Variants in UBAC2 observed in about 807,000 individuals in gnomAD.
The protein encoded by UBAC2 is UBA domain containing 2.
UBAC2 carries 26 observed loss-of-function variants against 44.0 expected under a neutral mutation model. The observed-to-expected ratio is 0.59, with a 90% CI of 0.43 to 0.82. The LOEUF (loss-of-function observed/expected upper bound fraction) is 0.82. Ranked by LOEUF, UBAC2 falls within the 40% of genes least tolerant of loss-of-function variation. The pLI is 0.00. For missense variants in UBAC2, 329 were observed against 419.4 expected (o/e 0.78, Z 1.88); for synonymous variants, 155 against 154.3 (o/e 1.00, Z -0.04).
intron 4 of UBAC2, among the ~76,000 whole-genome samples, chr13:99,275,829 G>T (rs988927827): frequency 6.6e-6 from 1 of 152,146 alleles, no homozygotes; most frequent in Non-Finnish European, 1.5e-5. Context: ...GGTCCTCGAT[G>T]ACCATGGGCT....
intron 7 of UBAC2, among the ~76,000 whole-genome samples, chr13:99,357,216 A>G (rs2045199389): frequency 6.6e-6 from 1 of 152,204 alleles, no homozygotes; most frequent in Non-Finnish European, 1.5e-5. Context: ...TGGTCGCCAT[A>G]GGCTACACCA....
At chr13:99,302,613 C>G (rs2044272052) in intron 4 of UBAC2, among the ~76,000 whole-genome samples, 1 of 152,142 alleles carries the variant, frequency 6.6e-6, no homozygotes, top group Admixed American at 6.5e-5. Flanking sequence ...TTCTCATCAC[C>G]TTTTTCATTG....
At chr13:99,371,592 A>T (rs2045407444) in intron 8 of UBAC2, among the ~76,000 whole-genome samples, 1 of 152,224 alleles carries the variant, frequency 6.6e-6, no homozygotes, top group Admixed American at 6.5e-5. Flanking sequence ...ATATTTGTTA[A>T]TAACATGTTA....
intron 4 of UBAC2, among the ~76,000 whole-genome samples, chr13:99,266,261 C>T (rs569502215): frequency 6.6e-6 from 1 of 151,484 alleles, no homozygotes; most frequent in East Asian, 1.9e-4. Context: ...GAATGTATTC[C>T]TCTAAAACAA....
chr13:99,293,064 A>G (rs976524563), intron 4 of UBAC2, among the ~76,000 whole-genome samples: 7 of 152,070 alleles, frequency 4.6e-5, no homozygotes, highest in African/African-American at 1.4e-4. Context: ...CTTTAAGGGG[A>G]GTTATTGGCT....
chr13:99,371,367 C>G (rs1441401449), intron 8 of UBAC2, among the ~76,000 whole-genome samples: 2 of 152,072 alleles, frequency 1.3e-5, no homozygotes, highest in African/African-American at 4.8e-5. Flanking sequence ...CTTGATTATC[C>G]TGCAAATAGC....
chr13:99,338,416 G>A (rs1269055741), intron 6 of UBAC2, among the ~76,000 whole-genome samples: 1 of 152,126 alleles, frequency 6.6e-6, no homozygotes, highest in Non-Finnish European at 1.5e-5. Context: ...AGCTGTCCTG[G>A]GCCACATGTG....
intron 8 of UBAC2, among the ~76,000 whole-genome samples, chr13:99,380,421 T>G (rs1008341013): frequency 6.6e-6 from 1 of 152,156 alleles, no homozygotes; most frequent in African/African-American, 2.4e-5. Flanking sequence ...CAGCAGTAAT[T>G]GTTAGTGTCC....
At chr13:99,201,552 T>G (rs571685624) in intron 1 of UBAC2, 1 of 1,614,120 alleles carries the variant, frequency 6.2e-7, no homozygotes, top group African/African-American at 1.3e-5. Context: ...CCTGGCGTGT[T>G]AGCGGTGGTC....
chr13:99,325,270 TTTTTTTGTG>T (rs772288944), intron 6 of UBAC2, among the ~76,000 whole-genome samples: 1 of 151,440 alleles, frequency 6.6e-6, no homozygotes, highest in African/African-American at 2.4e-5. Context: ...GCCCAGCTAA[TTTTTTTGTG>T]TTTTTTGTAG....
intron 7 of UBAC2, among the ~76,000 whole-genome samples, chr13:99,358,354 T>C (rs1303396200): frequency 6.6e-6 from 1 of 152,204 alleles, no homozygotes; most frequent in Non-Finnish European, 1.5e-5. Flanking sequence ...TTGCTTCATG[T>C]ACTTCAAAAA....
chr13:99,221,057 A>C (rs2043047518), intron 1 of UBAC2, among the ~76,000 whole-genome samples: 1 of 152,304 alleles, frequency 6.6e-6, no homozygotes, highest in Non-Finnish European at 1.5e-5. Flanking sequence ...ATTTTTCTAC[A>C]ACCTATTGCT....
intron 8 of UBAC2, 37 bp from the exon 9 acceptor site, chr13:99,385,191 C>T: frequency 6.8e-7 from 1 of 1,480,262 alleles, no homozygotes; most frequent in Non-Finnish European, 9.5e-7. Context: ...GCGGCAATGT[C>T]AGCGCCCTCA....
chr13:99,256,382 G>A (rs1286752852), intron 4 of UBAC2: 1 of 152,200 alleles, frequency 6.6e-6, no homozygotes, highest in African/African-American at 2.4e-5. Context: ...TTTGTGTCAT[G>A]GTCAGCAGAT....
intron 2 of UBAC2, among the ~76,000 whole-genome samples, chr13:99,241,048 G>C (rs1276670346): frequency 1.3e-5 from 2 of 151,990 alleles, no homozygotes; most frequent in African/African-American, 4.8e-5. Context: ...TGGATTGCTT[G>C]AGCCCAGGAG....
At chr13:99,360,886 T>C (rs1033522042) in intron 7 of UBAC2, among the ~76,000 whole-genome samples, 1 of 152,170 alleles carries the variant, frequency 6.6e-6, no homozygotes, top group African/African-American at 2.4e-5. Flanking sequence ...GATGGGGCGC[T>C]CTTCGGGAGC....
chr13:99,284,249 G>T (rs2043990565), intron 4 of UBAC2, among the ~76,000 whole-genome samples: 1 of 152,210 alleles, frequency 6.6e-6, no homozygotes, highest in African/African-American at 2.4e-5. Flanking sequence ...CCAATTGGGG[G>T]GAAGTGCCCC....
At chr13:99,207,468 C>A (rs1593993659) in intron 1 of UBAC2, among the ~76,000 whole-genome samples, 1 of 152,170 alleles carries the variant, frequency 6.6e-6, no homozygotes, top group African/African-American at 2.4e-5. Context: ...AGGTGATCTT[C>A]CCTTATTTTT....
chr13:99,224,578 A>G (rs2043089855), intron 1 of UBAC2, among the ~76,000 whole-genome samples: 1 of 152,156 alleles, frequency 6.6e-6, no homozygotes, highest in Non-Finnish European at 1.5e-5. Context: ...CTCCCACCCA[A>G]TGTTTTAATT....
Sources: allele counts gnomAD v4.1 joint callset (sites outside exome capture counted in the v4.1 genomes callset), GRCh38; gene constraint gnomAD v4.1.1; transcripts MANE v1.5; gene names NCBI Gene and HGNC (gene_info 2026-07-23, HGNC 2026-07-21).